PPP2R5E: variants seen among roughly 807,000 people sequenced by gnomAD.
PPP2R5E encodes the protein protein phosphatase 2 regulatory subunit B'epsilon.
A neutral mutation model predicts 65.3 loss-of-function variants in PPP2R5E; 4 were observed. The ratio of observed to expected loss-of-function variants is 0.06; its 90% CI spans 0.03 to 0.14. The LOEUF (loss-of-function observed/expected upper bound fraction) is 0.14, where lower values mean the gene tolerates loss of function less well. PPP2R5E is among the 10% of genes least tolerant of loss of function. The probability of loss-of-function intolerance (pLI) is 1.00; values close to 1 mark genes in which losing one functional copy is unlikely to be tolerated. For missense variants in PPP2R5E, 274 were observed against 556.1 expected (o/e 0.49, Z 5.10); for synonymous variants, 183 against 187.4 (o/e 0.98, Z 0.19).
At chr14:63,403,164 C>T (rs1885853396) in intron 5 of PPP2R5E, among the ~76,000 whole-genome samples, 1 of 152,074 alleles carries the variant, frequency 6.6e-6, no homozygotes, top group African/African-American at 2.4e-5. Context: ...CAGTGGCTCA[C>T]GCCTGTAATC....
At chr14:63,512,108 T>C (rs139696827) in intron 2 of PPP2R5E, among the ~76,000 whole-genome samples, 3,547 of 129,094 alleles carry the variant, frequency 0.027, 72 homozygotes, top group Non-Finnish European at 0.04. Flanking sequence ...AAAAAAAGAA[T>C]CTCAGAACAC....
chr14:63,424,608 G>A (rs542267258), intron 3 of PPP2R5E, among the ~76,000 whole-genome samples: 305 of 152,106 alleles, frequency 2.0e-3, no homozygotes, highest in African/African-American at 6.0e-3. Context: ...AAAATTAGCC[G>A]GGTGTGGTGG....
intron 2 of PPP2R5E, among the ~76,000 whole-genome samples, chr14:63,461,056 T>G (rs965757723): frequency 1.3e-5 from 2 of 152,176 alleles, no homozygotes; most frequent in Non-Finnish European, 2.9e-5. Flanking sequence ...ACTGATCAAC[T>G]CCTCATTAGA....
intron 3 of PPP2R5E, among the ~76,000 whole-genome samples, chr14:63,426,699 C>CAAAAAAAAAAAAAA (rs1191603099): frequency 1.8e-5 from 1 of 54,836 alleles, no homozygotes; most frequent in Non-Finnish European, 4.9e-5. Flanking sequence ...AAAGGCTTAT[C>CAAAAAAAAAAAAAA]AAAAAAAAAA....
rs115246045 is a variant in PPP2R5E, at chr14:63,508,850, G to A, written c.157+30679C>T. On this transcript the variant is annotated intron_variant, in intron 2 of 13. Coordinates refer to ENST00000337537, the MANE Select transcript of PPP2R5E (RefSeq NM_006246.5). ...AACATAAATTTCCACTTCTGGAATG[G>A]GAGACATCTCCAGTGAAAGTTACCT... Among the ~76,000 whole-genome samples the A allele has an allele frequency of 4.5e-3, 684 of 152,294 alleles. 6 individuals carry two copies. The highest frequency in any genetic ancestry group is 0.015 in the African/African-American group (607 of 41,546).
intron 2 of PPP2R5E, among the ~76,000 whole-genome samples, chr14:63,501,384 G>T (rs181208012): frequency 6.9e-6 from 1 of 145,624 alleles, no homozygotes; most frequent in African/African-American, 2.6e-5. Flanking sequence ...CAGCCTGGGC[G>T]ACAGAGCAAG....
chr14:63,416,014 G>C (rs546539287), intron 4 of PPP2R5E, among the ~76,000 whole-genome samples: 1 of 152,164 alleles, frequency 6.6e-6, no homozygotes, highest in South Asian at 2.1e-4. Context: ...TCATAAGATG[G>C]TGTGGCACAA....
chr14:63,461,341 C>CAA (rs141122309), intron 2 of PPP2R5E, among the ~76,000 whole-genome samples: 4 of 137,484 alleles, frequency 2.9e-5, no homozygotes, highest in East Asian at 4.2e-4. Context: ...AGTAAAATTA[C>CAA]AGAAAAAAAA....
chr14:63,430,370 C>T (rs1231104270), intron 3 of PPP2R5E, among the ~76,000 whole-genome samples: 2 of 114,786 alleles, frequency 1.7e-5, no homozygotes, highest in Non-Finnish European at 3.5e-5. Flanking sequence ...TACATACATA[C>T]ATGCATGCAT....
intron 5 of PPP2R5E, among the ~76,000 whole-genome samples, chr14:63,410,495 G>C (rs1433676257): frequency 6.6e-6 from 1 of 152,124 alleles, no homozygotes. Flanking sequence ...TGAGACGGGG[G>C]ATAATGGGGT....
intron 3 of PPP2R5E, among the ~76,000 whole-genome samples, chr14:63,450,980 G>T (rs527466552): frequency 6.6e-6 from 1 of 152,206 alleles, no homozygotes; most frequent in East Asian, 1.9e-4. Context: ...GGAAATAAAG[G>T]CTATTTAAAT....
At chr14:63,495,417 C>CAAAAAAAAAAAAAAAAA (rs772700927) in intron 2 of PPP2R5E, among the ~76,000 whole-genome samples, 16 of 93,192 alleles carry the variant, frequency 1.7e-4, no homozygotes, top group African/African-American at 5.6e-4. Flanking sequence ...ACTAAAAATA[C>CAAAAAAAAAAAAAAAAA]AAAAAAAAAA....
chr14:63,398,145 A>G (rs1885522404), intron 5 of PPP2R5E, among the ~76,000 whole-genome samples: 1 of 152,244 alleles, frequency 6.6e-6, no homozygotes, highest in South Asian at 2.1e-4. Context: ...AAAAGAGGTA[A>G]CAAGCTAAAG....
intron 2 of PPP2R5E, among the ~76,000 whole-genome samples, chr14:63,459,800 T>C (rs1889354976): frequency 6.6e-6 from 1 of 152,230 alleles, no homozygotes; most frequent in Non-Finnish European, 1.5e-5. Flanking sequence ...AAAATCCTTC[T>C]TTCATCCCCT....
At chr14:63,464,621 T>C (rs1889682991) in intron 2 of PPP2R5E, among the ~76,000 whole-genome samples, 1 of 152,164 alleles carries the variant, frequency 6.6e-6, no homozygotes, top group Non-Finnish European at 1.5e-5. Context: ...GGTGAGGACT[T>C]TGGCCTGGAA....
chr14:63,461,847 T>TACAC (rs10695748), intron 2 of PPP2R5E, among the ~76,000 whole-genome samples: 34,122 of 150,786 alleles, frequency 0.23, 4,092 homozygotes, highest in East Asian at 0.31. Flanking sequence ...CCCTCACACA[T>TACAC]ACACACACAC....
At position 63,384,518 on chromosome 14, in the gene PPP2R5E, T is replaced by G. The variant is rs1277652519; in HGVS notation, c.1128A>C (p.Ile376=). Reference sequence around the variant, plus strand: ...GAAGGATGACGTTAGAGTTTTCTTCTATCAAACTCATGATGTATTCATTAT... The same window carrying G: ...GAAGGATGACGTTAGAGTTTTCTTCGATCAAACTCATGATGTATTCATTAT... ...YWNNEYIMSL[I]EENSNVILPI... is the part of the protein sequence containing the mutation. The change falls in exon 12 of 14, where the codon ATA becomes ATC. Residue 376 remains isoleucine, a synonymous_variant. Transcript: ENST00000337537. 3 of 1,613,954 alleles carry G rather than the reference T, an allele frequency of 1.9e-6. No homozygotes were observed. Among genetic ancestry groups the G allele is most frequent in the Non-Finnish European group, 2.5e-6 (3 of 1,179,842 alleles).
intron 2 of PPP2R5E, among the ~76,000 whole-genome samples, chr14:63,523,183 C>T (rs981651073): frequency 1.4e-4 from 21 of 151,140 alleles, no homozygotes; most frequent in Admixed American, 2.0e-4. Context: ...CCCCTCTGCC[C>T]GGCCACCACC....
intron 11 of PPP2R5E, among the ~76,000 whole-genome samples, chr14:63,386,077 T>C (rs1884648098): frequency 2.0e-5 from 3 of 152,238 alleles, no homozygotes; most frequent in Admixed American, 6.5e-5. Context: ...CCTTCATTTA[T>C]ACAGATTAAG....
Sources: gnomAD v4.1 joint callset for allele counts (sites outside exome capture counted in the v4.1 genomes callset) on GRCh38, gnomAD v4.1.1 for gene constraint, MANE v1.5 for transcripts, NCBI Gene and HGNC (gene_info 2026-07-23, HGNC 2026-07-21) for gene names.